Variants in PALM2AKAP2 observed in about 807,000 individuals in gnomAD.
PALM2AKAP2 encodes PALM2-AKAP2 fusion protein.
Under a neutral mutation model 71.5 loss-of-function variants are expected in PALM2AKAP2, and 37 were observed. The observed-to-expected ratio is 0.52, with a 90% confidence interval of 0.40 to 0.68. The LOEUF (loss-of-function observed/expected upper bound fraction) is 0.68. Among genes scored for constraint, PALM2AKAP2 ranks in the 30% least tolerant of loss-of-function variants. The probability of loss-of-function intolerance (pLI) is 0.00; values close to 1 mark genes in which losing one functional copy is unlikely to be tolerated. For synonymous variants in PALM2AKAP2, 468 were observed against 478.8 expected (o/e 0.98, Z 0.29); for missense variants, 1,224 against 1,191.8 (o/e 1.03, Z -0.40).
intron 7 of PALM2AKAP2, among the ~76,000 whole-genome samples, chr9:110,023,330 T>TTTTTTTTTTTTTTG (rs1833110120): frequency 9.2e-6 from 1 of 108,492 alleles, no homozygotes; most frequent in African/African-American, 3.2e-5. Flanking sequence ...TTTTTTTTTT[T>TTTTTTTTTTTTTTG]TGAGATGGAG....
intron 6 of PALM2AKAP2, among the ~76,000 whole-genome samples, chr9:110,003,768 CT>C (rs1267058082): frequency 1.3e-5 from 2 of 152,172 alleles, no homozygotes; most frequent in Non-Finnish European, 2.9e-5. Flanking sequence ...GAATTGATCC[CT>C]TTACCATTAT....
At chr9:109,949,410 A>G (rs2132072191) in intron 6 of PALM2AKAP2, among the ~76,000 whole-genome samples, 1 of 152,350 alleles carries the variant, frequency 6.6e-6, no homozygotes, top group Non-Finnish European at 1.5e-5. Context: ...ATAGTCGAAG[A>G]TGAGTAGGAT....
intron 1 of PALM2AKAP2, among the ~76,000 whole-genome samples, chr9:110,064,351 G>A (rs73657334): frequency 0.049 from 7,464 of 152,190 alleles, 547 homozygotes; most frequent in African/African-American, 0.15. Flanking sequence ...TTCCCAAGAC[G>A]GAAGTGCCTC....
intron 2 of PALM2AKAP2, among the ~76,000 whole-genome samples, chr9:110,153,434 G>T (rs6477743): frequency 6.6e-6 from 1 of 152,018 alleles, no homozygotes; most frequent in African/African-American, 2.4e-5. Context: ...AAAAGAAGTG[G>T]TATATAAATC....
intron 6 of PALM2AKAP2, among the ~76,000 whole-genome samples, chr9:110,001,720 G>A (rs1435587031): frequency 6.6e-6 from 1 of 152,112 alleles, no homozygotes; most frequent in Non-Finnish European, 1.5e-5. Flanking sequence ...TCCTTGAAGA[G>A]GTCCTTCATG....
intron 1 of PALM2AKAP2, among the ~76,000 whole-genome samples, chr9:109,696,657 A>G (rs997701177): frequency 2.0e-5 from 3 of 152,194 alleles, no homozygotes; most frequent in Non-Finnish European, 4.4e-5. Flanking sequence ...TGTCCTTACA[A>G]AATTGGAAAG....
At position 109,913,240 on chromosome 9, in the gene PALM2AKAP2, A is replaced by T. The variant is rs147727182; in HGVS notation, c.258-10495A>T. Among the ~76,000 whole-genome samples the T allele has an allele frequency of 5.5e-3, 834 of 152,312 alleles. 1 individual carries two copies. The highest frequency in any genetic ancestry group is 7.9e-3 in the Non-Finnish European group (537 of 68,022). ...GGTGAGCTCTATGTTGTTAAGTCTT[A>T]TTTATAGGAGCGATCAGCTCGCTGC... On this transcript the variant is annotated intron_variant, in intron 3 of 9. Transcript: ENST00000302798.
At chr9:109,851,210 A>AGC (rs773711757) in intron 1 of PALM2AKAP2, among the ~76,000 whole-genome samples, 2 of 76,258 alleles carry the variant, frequency 2.6e-5, no homozygotes, top group Non-Finnish European at 4.9e-5. Context: ...CAACAACAAC[A>AGC]AAAAAAAAAA....
At chr9:110,070,852 T>C (rs77489776) in intron 1 of PALM2AKAP2, among the ~76,000 whole-genome samples, 2,027 of 152,158 alleles carry the variant, frequency 0.013, 37 homozygotes, top group African/African-American at 0.047. Flanking sequence ...ATAATACCCA[T>C]CCGGCAAGTT....
intron 1 of PALM2AKAP2, among the ~76,000 whole-genome samples, chr9:110,073,369 C>G (rs954804358): frequency 6.6e-6 from 1 of 152,198 alleles, no homozygotes; most frequent in African/African-American, 2.4e-5. Context: ...TGAAGTGAGC[C>G]TCATGACCTG....
chr9:110,156,248 G>A, intron 2 of PALM2AKAP2, 71 bp from the exon 9 acceptor site: 3 of 1,469,716 alleles, frequency 2.0e-6, no homozygotes, highest in Non-Finnish European at 2.7e-6. Flanking sequence ...TCTTTTATTT[G>A]CCAGTTTTCT....
chr9:110,091,231 G>A (rs7038399), intron 1 of PALM2AKAP2, among the ~76,000 whole-genome samples: 15,301 of 152,066 alleles, frequency 0.1, 1,028 homozygotes, highest in African/African-American at 0.19. Context: ...AGCTGCACGT[G>A]TGAGGTTTTT....
intron 7 of PALM2AKAP2, among the ~76,000 whole-genome samples, chr9:110,030,232 A>C (rs1833256602): frequency 6.6e-6 from 1 of 152,220 alleles, no homozygotes; most frequent in Admixed American, 6.5e-5. Context: ...AATGATTTTT[A>C]CTTGAAGAAC....
chr9:110,055,319 C>G (rs551539160), intron 1 of PALM2AKAP2, among the ~76,000 whole-genome samples: 103 of 152,266 alleles, frequency 6.8e-4, no homozygotes, highest in Non-Finnish European at 1.3e-3. Flanking sequence ...CCTCAGCCTC[C>G]TGAGTAGCTG....
intron 6 of PALM2AKAP2, among the ~76,000 whole-genome samples, chr9:109,967,381 A>G (rs1033272246): frequency 3.3e-5 from 5 of 151,340 alleles, no homozygotes; most frequent in African/African-American, 9.7e-5. Context: ...GCCAGCCCAT[A>G]TGCAAGGGTA....
intron 1 of PALM2AKAP2, among the ~76,000 whole-genome samples, chr9:110,111,086 CTTTTTTT>C (rs34958946): frequency 4.2e-4 from 35 of 84,188 alleles, no homozygotes; most frequent in South Asian, 5.1e-4. Flanking sequence ...TTTCTTTCTT[CTTTTTTT>C]TTTTTTTTTT....
chr9:109,954,671 A>T (rs891097940), intron 6 of PALM2AKAP2, among the ~76,000 whole-genome samples: 25 of 151,044 alleles, frequency 1.7e-4, no homozygotes, highest in African/African-American at 6.1e-4. Flanking sequence ...AAAAAAAAAA[A>T]AAAAAAAAAA....
chr9:109,865,299 A>T (rs1479678809), intron 1 of PALM2AKAP2, among the ~76,000 whole-genome samples: 1 of 151,838 alleles, frequency 6.6e-6, no homozygotes, highest in East Asian at 1.9e-4. Context: ...GGGTTTCGCC[A>T]TGTTGGCTAG....
At chr9:109,839,608 A>G (rs930196368) in intron 1 of PALM2AKAP2, among the ~76,000 whole-genome samples, 20 of 152,242 alleles carry the variant, frequency 1.3e-4, no homozygotes, top group Non-Finnish European at 2.1e-4. Flanking sequence ...CCCTGTTTGC[A>G]GATGACATGA....
Sources: allele counts gnomAD v4.1 joint callset (sites outside exome capture counted in the v4.1 genomes callset), GRCh38; gene constraint gnomAD v4.1.1; transcripts MANE v1.5; gene names NCBI Gene and HGNC (gene_info 2026-07-23, HGNC 2026-07-21).